MAP3K13: variants seen among roughly 807,000 people sequenced by gnomAD.
The protein encoded by MAP3K13 is mitogen-activated protein kinase kinase kinase 13, also known as leucine zipper-bearing kinase.
MAP3K13 carries 52 observed loss-of-function variants against 104.0 expected under a neutral mutation model. That is an observed-to-expected ratio of 0.50 (90% CI 0.40 to 0.63). The LOEUF (loss-of-function observed/expected upper bound fraction) is 0.63, where lower values mean the gene tolerates loss of function less well. Among genes scored for constraint, MAP3K13 ranks in the 20% least tolerant of loss-of-function variants. The probability of loss-of-function intolerance (pLI) is 0.00; values close to 1 mark genes in which losing one functional copy is unlikely to be tolerated. For missense variants in MAP3K13, 914 were observed against 1,218.5 expected (o/e 0.75, Z 3.72); for synonymous variants, 394 against 442.2 (o/e 0.89, Z 1.37).
intron 1 of MAP3K13, among the ~76,000 whole-genome samples, chr3:185,366,970 C>G (rs1474019126): frequency 6.6e-6 from 1 of 151,996 alleles, no homozygotes; most frequent in Non-Finnish European, 1.5e-5. Flanking sequence ...GTTGCCTATG[C>G]TTTTGGTGTC....
In MAP3K13 at chr3:185,423,689, C is replaced by T. The variant is rs1223785080; in HGVS notation, c.-85-4808C>T. 6.6e-6 allele frequency among the ~76,000 whole-genome samples: 1 copy of T among 152,300 alleles called. No individual in the cohort carries two copies. Among genetic ancestry groups the T allele is most frequent in the Middle Eastern group, 3.4e-3 (1 of 294 alleles). On this transcript the variant is annotated intron_variant, in intron 1 of 13. Coordinates refer to ENST00000265026, the MANE Select transcript of MAP3K13 (RefSeq NM_004721.5). The surrounding 1 kb of genome is among the most constrained non-coding windows in gnomAD (Gnocchi z 4.1). ...ATAATTTAAGTGCCTCTTAACCTAACCCCGTCCAGTTAAAGTGATCTCTCT... is the reference window on the plus strand; with the variant it reads ...ATAATTTAAGTGCCTCTTAACCTAATCCCGTCCAGTTAAAGTGATCTCTCT...
chr3:185,346,342 A>G (rs1337407393), intron 2 of MAP3K13, among the ~76,000 whole-genome samples: 2 of 152,246 alleles, frequency 1.3e-5, no homozygotes, highest in Admixed American at 1.3e-4. Context: ...CTCTATATCC[A>G]GAGATAGGCA....
chr3:185,417,754 C>G, intron 1 of MAP3K13: 1 of 1,612,404 alleles, frequency 6.2e-7, no homozygotes, highest in South Asian at 1.1e-5. Flanking sequence ...CCTGGCCTGG[C>G]GAAGAATGGT....
chr3:185,407,484 A>C (rs1713179557), intron 1 of MAP3K13, among the ~76,000 whole-genome samples: 1 of 152,202 alleles, frequency 6.6e-6, no homozygotes, highest in Non-Finnish European at 1.5e-5. Flanking sequence ...ATTTTAACAA[A>C]GTTTGCCACA....
chr3:185,419,908 A>C (rs1560096683), intron 1 of MAP3K13, among the ~76,000 whole-genome samples: 2 of 152,186 alleles, frequency 1.3e-5, no homozygotes, highest in Non-Finnish European at 2.9e-5. Context: ...CTGAAAATGA[A>C]GTATCTTTAT....
intron 1 of MAP3K13, among the ~76,000 whole-genome samples, chr3:185,371,154 CA>C (rs200001035): frequency 4.3e-4 from 63 of 145,106 alleles, no homozygotes; most frequent in Middle Eastern, 3.5e-3. Context: ...TAGATTTTGT[CA>C]AAAAAAAAAG....
chr3:185,403,947 G>A (rs1712962296), intron 1 of MAP3K13, among the ~76,000 whole-genome samples: 1 of 152,192 alleles, frequency 6.6e-6, no homozygotes, highest in African/African-American at 2.4e-5. Context: ...CTTTTACTTT[G>A]GAGAAGGTGC....
intron 1 of MAP3K13, among the ~76,000 whole-genome samples, chr3:185,404,727 C>T (rs1216616897): frequency 1.3e-5 from 2 of 152,098 alleles, no homozygotes; most frequent in Non-Finnish European, 2.9e-5. Context: ...CAGGTGCCCG[C>T]CACCACGCCC....
chr3:185,424,934 C>G (rs984089822), intron 1 of MAP3K13, among the ~76,000 whole-genome samples: 1 of 152,274 alleles, frequency 6.6e-6, no homozygotes, highest in African/African-American at 2.4e-5. Context: ...AAGTGATTCT[C>G]CCACCTCAGC....
intron 2 of MAP3K13, among the ~76,000 whole-genome samples, chr3:185,286,947 A>G (rs1017138284): frequency 1.3e-5 from 2 of 152,142 alleles, no homozygotes; most frequent in Admixed American, 6.5e-5. Flanking sequence ...CAATTATGAG[A>G]GCCTTTTACT....
At chr3:185,475,387 C>T (rs1171702517) in intron 11 of MAP3K13, among the ~76,000 whole-genome samples, 1 of 152,130 alleles carries the variant, frequency 6.6e-6, no homozygotes, top group Non-Finnish European at 1.5e-5. Context: ...TCATTGTTCA[C>T]CAGGAATTTA....
rs1577412050 is a variant in MAP3K13 at position 185,309,606 on chromosome 3, C to T, written c.-86+23963C>T. ...GCCACTCTTTAGCGATACATAATTACATACCCTGCCTAAATTATCAGCTAT... is the reference window on the plus strand; with the variant it reads ...GCCACTCTTTAGCGATACATAATTATATACCCTGCCTAAATTATCAGCTAT... On this transcript the variant is annotated intron_variant, in intron 2 of 14. Transcript: ENST00000424227. Among the ~76,000 whole-genome samples the T allele has an allele frequency of 2.0e-5, 3 of 151,900 alleles. No homozygotes were observed. The South Asian group carries it at 6.2e-4, about 32-fold the overall frequency.
At chr3:185,445,854 C>A (rs1715561738) in intron 4 of MAP3K13, among the ~76,000 whole-genome samples, 1 of 152,144 alleles carries the variant, frequency 6.6e-6, no homozygotes, top group African/African-American at 2.4e-5. Context: ...TCTTGTCACA[C>A]CAACAGAGGC....
intron 2 of MAP3K13, among the ~76,000 whole-genome samples, chr3:185,351,630 T>G (rs1452832703): frequency 6.6e-6 from 1 of 152,220 alleles, no homozygotes; most frequent in Non-Finnish European, 1.5e-5. Context: ...CAGAGTAGAT[T>G]GAGTTTTAAG....
chr3:185,408,494 C>T lies in MAP3K13; in HGVS notation c.-85-20003C>T, dbSNP rs569674323. ...GGCTGAGGCAGAAGAATCACTTGAA[C>T]TCTGATGGTATAGGTTGCAGTGAGC... On this transcript the variant is annotated intron_variant, in intron 1 of 13. Coordinates refer to ENST00000265026, the MANE Select transcript of MAP3K13 (RefSeq NM_004721.5). 7.6e-4 allele frequency among the ~76,000 whole-genome samples: 116 copies of T among 152,048 alleles called. 1 individual carries two copies. Among genetic ancestry groups the T allele is most frequent in the Non-Finnish European group, 1.5e-3 (105 of 67,986 alleles).
At chr3:185,301,758 C>A (rs1269460456) in intron 2 of MAP3K13, among the ~76,000 whole-genome samples, 1 of 152,148 alleles carries the variant, frequency 6.6e-6, no homozygotes, top group African/African-American at 2.4e-5. Context: ...GACCTCAGCA[C>A]CCTTGTCAAA....
chr3:185,430,466 C>T (rs58644529), intron 2 of MAP3K13, among the ~76,000 whole-genome samples: 7,883 of 152,080 alleles, frequency 0.052, 328 homozygotes, highest in East Asian at 0.22. Context: ...TCCACCCTCA[C>T]GTAGGCCCCA....
At chr3:185,456,738 A>G (rs1183072425) in intron 7 of MAP3K13, among the ~76,000 whole-genome samples, 1 of 151,242 alleles carries the variant, frequency 6.6e-6, no homozygotes, top group African/African-American at 2.4e-5. Flanking sequence ...AGTAGCTGGG[A>G]CTACAGGCGT....
chr3:185,455,257 G>GAT (rs1297923091), intron 7 of MAP3K13, among the ~76,000 whole-genome samples: 4 of 18,504 alleles, frequency 2.2e-4, no homozygotes, highest in East Asian at 1.5e-3. Flanking sequence ...ATATATATGA[G>GAT]ATATATGAGA....
Sources: gnomAD v4.1 joint callset for allele counts (sites outside exome capture counted in the v4.1 genomes callset) on GRCh38, gnomAD v4.1.1 for gene constraint, Gnocchi (gnomAD v3.1) non-coding constraint, MANE v1.5 for transcripts, NCBI Gene and HGNC (gene_info 2026-07-23, HGNC 2026-07-21) for gene names.